SGK1: variants seen among roughly 807,000 people sequenced by gnomAD.
SGK1 encodes serum/glucocorticoid regulated kinase 1.
Under a neutral mutation model 64.2 loss-of-function variants are expected in SGK1, and 26 were observed. The observed-to-expected ratio is 0.40, with a 90% confidence interval of 0.30 to 0.56. SGK1 has a LOEUF of 0.56. SGK1 is among the 20% of genes least tolerant of loss of function. The pLI, the probability that SGK1 is intolerant of heterozygous loss-of-function variation, is 0.38. For missense variants in SGK1, 519 were observed against 645.6 expected, an observed-to-expected ratio of 0.80 and a Z score of 2.12; for synonymous variants, 265 against 239.7, an observed-to-expected ratio of 1.11 and a Z score of -0.98.
At chr6:134,204,425 G>A (rs1775735017) in intron 3 of SGK1, among the ~76,000 whole-genome samples, 1 of 138,072 alleles carries the variant, frequency 7.2e-6, no homozygotes, top group Admixed American at 7.6e-5. Flanking sequence ...TATGTCTATT[G>A]CACCACTGCA....
chr6:134,272,485 G>C (rs1317293466), intron 1 of SGK1, among the ~76,000 whole-genome samples: 1 of 145,334 alleles, frequency 6.9e-6, no homozygotes, highest in Non-Finnish European at 1.5e-5. Flanking sequence ...TTTTTTAACT[G>C]TCTCTCTCTC....
Position 134,207,370 on chromosome 6 carries a change from G to A in SGK1, c.347C>T (p.Thr116Ile), listed in dbSNP as rs763021408. The A allele has an allele frequency of 6.2e-7, 1 of 1,606,532 alleles. No individual in the cohort carries two copies. Among genetic ancestry groups the A allele is most frequent in the South Asian group, 1.1e-5 (1 of 90,770 alleles). ...LTKPDPRTFW[T>I]NDDPAFMKQR... ...TCCAATAATACCTGGATCATCATTAGTCCAGAAGGTTCTTGGATCGGGCTT... is the reference window on the plus strand; with the variant it reads ...TCCAATAATACCTGGATCATCATTAATCCAGAAGGTTCTTGGATCGGGCTT... Residue 116 changes from threonine to isoleucine, a missense_variant, in exon 3 of 14, where the codon ACT becomes ATT. Coordinates refer to ENST00000367858, the MANE Select transcript of SGK1 (RefSeq NM_001143676.3).
chr6:134,258,001 C>T (rs1776710032), intron 2 of SGK1, among the ~76,000 whole-genome samples: 1 of 152,176 alleles, frequency 6.6e-6, no homozygotes, highest in African/African-American at 2.4e-5. Context: ...ACAGCCTCTC[C>T]ACCTTCTCAC....
At chr6:134,272,987 TC>T (rs892243790) in intron 1 of SGK1, among the ~76,000 whole-genome samples, 1 of 148,242 alleles carries the variant, frequency 6.7e-6, no homozygotes, top group African/African-American at 2.4e-5. Context: ...ATGTTGACCA[TC>T]GAAAGAGGAT....
chr6:134,285,456 C>T (rs151200445), intron 1 of SGK1, among the ~76,000 whole-genome samples: 1,813 of 136,876 alleles, frequency 0.013, 63 homozygotes, highest in East Asian at 0.11. Flanking sequence ...CCAGCCTGGG[C>T]GACAGAGTGA....
intron 1 of SGK1, among the ~76,000 whole-genome samples, chr6:134,283,426 G>T (rs981314710): frequency 6.6e-6 from 1 of 152,050 alleles, no homozygotes; most frequent in Admixed American, 6.6e-5. Flanking sequence ...AGAGGGTGGA[G>T]GTTGCAGTGA....
chr6:134,307,363 T>G (rs1275471927), intron 1 of SGK1, among the ~76,000 whole-genome samples: 1 of 152,206 alleles, frequency 6.6e-6, no homozygotes, highest in Non-Finnish European at 1.5e-5. Context: ...ATTTAATCTT[T>G]GAAGGCAAGT....
chr6:134,264,397 G>A (rs1776818540), intron 1 of SGK1, among the ~76,000 whole-genome samples: 1 of 152,042 alleles, frequency 6.6e-6, no homozygotes, highest in Admixed American at 6.6e-5. Flanking sequence ...GGTATTACAG[G>A]CTTGAGCCAC....
chr6:134,317,582 T>C lies in SGK1; in HGVS notation c.-122A>G. On this transcript the variant is annotated 5_prime_UTR_variant, in exon 1 of 14. Transcript: ENST00000367858. ...TGAAGACTGAGCGGGATGGAGAATC[T>C]AGCGGGGCTCAGTTCTTCACTCGCG... The C allele has an allele frequency of 1.1e-5, 8 of 738,304 alleles. No individual in the cohort carries two copies. The South Asian group carries it at 1.2e-4, about 11-fold the overall frequency. The allele number at this position is 738,304 out of a possible 1,614,324, so 45.7% of individuals were successfully genotyped here.
In SGK1 at chr6:134,317,692, C is replaced by T. The variant is rs1171915402; in HGVS notation, c.-232G>A. 3.7e-6 allele frequency: 2 copies of T among 546,488 alleles called. No homozygotes were observed. The highest frequency in any genetic ancestry group is 6.1e-5 in the East Asian group (2 of 32,918). 33.9% of individuals were successfully genotyped at this position (546,488 alleles called of 1,614,324 possible). ...GGCTTTTCTCCTTCCATCATTGCTC[C>T]GAAACATATGCATCACCGCTGCAGG... On this transcript the variant is annotated 5_prime_UTR_variant, in exon 1 of 14. Coordinates refer to ENST00000367858, the MANE Select transcript of SGK1 (RefSeq NM_001143676.3).
At chr6:134,263,070 T>C (rs978815630) in intron 1 of SGK1, among the ~76,000 whole-genome samples, 5 of 152,110 alleles carry the variant, frequency 3.3e-5, no homozygotes, top group African/African-American at 1.2e-4. Context: ...GGCACATGTT[T>C]GGTGCCCAAT....
chr6:134,179,948 T>G (rs1000279052), intron 3 of SGK1, among the ~76,000 whole-genome samples: 1 of 152,028 alleles, frequency 6.6e-6, no homozygotes, highest in African/African-American at 2.4e-5. Context: ...GAGAAGCTTT[T>G]TTTGTTTGTT....
chr6:134,304,289 C>T (rs1777501847), intron 1 of SGK1, among the ~76,000 whole-genome samples: 1 of 152,192 alleles, frequency 6.6e-6, no homozygotes, highest in Non-Finnish European at 1.5e-5. Context: ...GTAGCTTTTG[C>T]TCATCAAATT....
rs765955944 is a variant in SGK1, at chr6:134,262,016, A to T, written c.202T>A (p.Cys68Ser). 3 of 1,613,934 alleles carry T rather than the reference A, an allele frequency of 1.9e-6. No homozygotes were observed. The highest frequency in any genetic ancestry group is 2.5e-6 in the Non-Finnish European group (3 of 1,179,832). The change falls in exon 2 of 14, where the codon TGC becomes AGC. Residue 68 changes from cysteine (C) to serine (S), a missense_variant. Around this residue, in one of 2 missense-constraint regions of SGK1, gnomAD observed 241 missense variants for 236.9 expected, o/e 1.02. Transcript: ENST00000367858. ...PDFESSLCQT[C>S]LGEHAFQRGV... The stretch of plus-strand genomic sequence containing the variant: ...CTTTGGAAAGCATGTTCACCCAGGC[A>T]TGTTTGACACAAGGAAGACTCGAAG...
At position 134,208,606 on chromosome 6, in the gene SGK1, C is replaced by A. The variant is rs184246161; in HGVS notation, c.286-1175G>T. 2.0e-3 allele frequency among the ~76,000 whole-genome samples: 306 copies of A among 152,186 alleles called. 2 individuals are homozygous for A. Among genetic ancestry groups the A allele is most frequent in the East Asian group, 4.2e-3 (22 of 5,180 alleles). ...CTTTGCGTCCTCATGGCTTAGCTCC[C>A]ACTTATGAGTGAGAACATATGATAT... On this transcript the variant is annotated intron_variant, in intron 2 of 13. Coordinates refer to ENST00000367858, the MANE Select transcript of SGK1 (RefSeq NM_001143676.3).
At chr6:134,313,133 T>C (rs1419743345) in intron 1 of SGK1, among the ~76,000 whole-genome samples, 1 of 152,240 alleles carries the variant, frequency 6.6e-6, no homozygotes, top group Non-Finnish European at 1.5e-5. Context: ...CCCAGCAATA[T>C]TAATGCCATT....
intron 1 of SGK1, among the ~76,000 whole-genome samples, chr6:134,301,278 G>A (rs934776305): frequency 5.9e-5 from 9 of 152,136 alleles, no homozygotes; most frequent in African/African-American, 2.2e-4. Context: ...GGATGGGAAA[G>A]TGAGAAAGAT....
rs1489368884 is a variant in SGK1, at chr6:134,274,475, G to A, written c.70-12327C>T. ...AATCAAATCTACTTTTAGCTCTCAA[G>A]ACTATATCCTCTTCTCCATCCAAGT... On this transcript the variant is annotated intron_variant, in intron 1 of 13. Coordinates refer to ENST00000367858, the MANE Select transcript of SGK1 (RefSeq NM_001143676.3). Among the ~76,000 whole-genome samples the A allele has an allele frequency of 3.3e-5, 5 of 152,124 alleles. 1 individual carries two copies. The highest frequency in any genetic ancestry group is 9.7e-5 in the African/African-American group (4 of 41,414).
chr6:134,205,045 G>A (rs1366976682), intron 3 of SGK1, among the ~76,000 whole-genome samples: 4 of 151,130 alleles, frequency 2.6e-5, no homozygotes, highest in Admixed American at 2.6e-4. Context: ...AGAAAGTAAA[G>A]GAATAAAGAA....
Sources: gnomAD v4.1 joint callset for allele counts (sites outside exome capture counted in the v4.1 genomes callset) on GRCh38, gnomAD v4.1.1 for gene constraint, gnomAD v4.1.1 regional missense constraint, MANE v1.5 for transcripts, NCBI Gene and HGNC (gene_info 2026-07-23, HGNC 2026-07-21) for gene names.